The following UGGT1 variants were observed in gnomAD, a reference collection of about 807,000 sequenced individuals.
UGGT1 encodes the protein UDP-glucose:glycoprotein glucosyltransferase 1.
UGGT1 carries 107 observed loss-of-function variants against 203.9 expected under a neutral mutation model. The ratio of observed to expected loss-of-function variants is 0.52; its 90% CI spans 0.45 to 0.62. The LOEUF is 0.62. Ranked by LOEUF, UGGT1 falls within the 20% of genes least tolerant of loss-of-function variation. The pLI is 0.00. For missense variants in UGGT1, 1,673 were observed against 1,867.2 expected, an observed-to-expected ratio of 0.90 and a Z score of 1.92; for synonymous variants, 628 against 653.5, an observed-to-expected ratio of 0.96 and a Z score of 0.59.
In UGGT1 at chr2:128,103,917, G is replaced by T; in HGVS notation, c.195-15G>T. On this transcript the variant is annotated splice_polypyrimidine_tract_variant and intron_variant, in intron 2 of 40. Coordinates refer to ENST00000259253, the MANE Select transcript of UGGT1 (RefSeq NM_020120.4). ...AATTTTATTAAGTTGTTTTATTTCT[G>T]ATCTTTTCTCCCAGTGAGTTTTTAG... is the stretch of plus-strand genomic sequence containing the variant. 6.4e-7 allele frequency: 1 copy of T among 1,569,792 alleles called. No individual in the cohort carries two copies. The highest frequency in any genetic ancestry group is 8.6e-7 in the Non-Finnish European group (1 of 1,162,942).
At chr2:128,150,557 CCA>C (rs1491541061) in intron 18 of UGGT1, among the ~76,000 whole-genome samples, 2 of 129,464 alleles carry the variant, frequency 1.5e-5, no homozygotes, top group Non-Finnish European at 3.6e-5. Flanking sequence ...AAGACAACTA[CCA>C]TGTGTGTGTG....
intron 16 of UGGT1, chr2:128,140,404 T>C (rs1370507196): frequency 2.0e-5 from 3 of 152,550 alleles, no homozygotes; most frequent in African/African-American, 7.2e-5. Flanking sequence ...GATGATGCCA[T>C]CCAACACCAG....
chr2:128,193,449 A>C lies in UGGT1; in HGVS notation c.*3707A>C, dbSNP rs1692373380. 6.6e-6 allele frequency: 1 copy of C among 151,978 alleles called. No homozygotes were observed. Among genetic ancestry groups the C allele is most frequent in the African/African-American group, 2.4e-5 (1 of 41,404 alleles). The allele number at this position is 151,978 out of a possible 1,614,324, so 9.4% of individuals were successfully genotyped here. A position where few individuals can be genotyped will look rare whatever the true frequency, so the allele number is the denominator to read the frequency against. On this transcript the variant is annotated 3_prime_UTR_variant, in exon 41 of 41. Coordinates refer to ENST00000259253, the MANE Select transcript of UGGT1 (RefSeq NM_020120.4). ...GTATTTTTAGTAGAGATGGGGTTTTACCATGTTGGTTGGCCAGGCTGATCT... is the reference window on the plus strand; with the variant it reads ...GTATTTTTAGTAGAGATGGGGTTTTCCCATGTTGGTTGGCCAGGCTGATCT...
At chr2:128,098,582 C>T (rs1290857752) in intron 2 of UGGT1, among the ~76,000 whole-genome samples, 2 of 151,830 alleles carry the variant, frequency 1.3e-5, no homozygotes, top group Non-Finnish European at 2.9e-5. Flanking sequence ...ATGGGGAAAC[C>T]CCGTCTCTCC....
At chr2:128,113,025 A>C (rs928720792) in intron 5 of UGGT1, 59 bp from the exon 6 acceptor site, 75 of 1,384,824 alleles carry the variant, frequency 5.4e-5, no homozygotes, top group Non-Finnish European at 7.2e-5. Context: ...ATATTTTGTG[A>C]CATTTTTAGT....
At chr2:128,091,569 A>C (rs968786349) in intron 1 of UGGT1, 154 bp downstream of exon 1, 28 of 1,442,520 alleles carry the variant, frequency 1.9e-5, no homozygotes, top group Non-Finnish European at 2.2e-5. Context: ...GAGCGCCCCG[A>C]GTTGCCCTCA....
At chr2:128,163,731 T>C (rs1442706090) in intron 25 of UGGT1, among the ~76,000 whole-genome samples, 1 of 151,364 alleles carries the variant, frequency 6.6e-6, no homozygotes, top group Non-Finnish European at 1.5e-5. Context: ...AAAAAATTAA[T>C]TTTAGAAGAG....
At chr2:128,107,891 ATC>A in intron 3 of UGGT1, 45 bp from the exon 4 acceptor site, 1 of 1,610,798 alleles carries the variant, frequency 6.2e-7, no homozygotes, top group East Asian at 2.2e-5. Flanking sequence ...TTCTTTAGAT[ATC>A]TCTAGTCATA....
intron 4 of UGGT1, 100 bp downstream of exon 4, chr2:128,108,168 C>CT: frequency 1.5e-6 from 2 of 1,375,912 alleles, no homozygotes; most frequent in Non-Finnish European, 9.7e-7. Flanking sequence ...GCTATTATCA[C>CT]TTTTTTGCCT....
At chr2:128,117,723 T>A in intron 8 of UGGT1, among the ~76,000 whole-genome samples, 1 of 151,842 alleles carries the variant, frequency 6.6e-6, no homozygotes, top group Non-Finnish European at 1.5e-5. Flanking sequence ...TTTTGTATTT[T>A]TTTTTTTAGT....
intron 32 of UGGT1, 96 bp downstream of exon 32, chr2:128,176,994 C>T: frequency 8.0e-7 from 1 of 1,249,614 alleles, no homozygotes; most frequent in Non-Finnish European, 1.1e-6. Context: ...TTGGAATTTG[C>T]TATGGCAATT....
intron 3 of UGGT1, 51 bp downstream of exon 3, chr2:128,104,065 G>A (rs1291361308): frequency 2.1e-6 from 3 of 1,412,272 alleles, no homozygotes; most frequent in Non-Finnish European, 1.9e-6. Flanking sequence ...GAAAATATTA[G>A]GAAAAAATTG....
chr2:128,175,861 A>C (rs1005702153), intron 31 of UGGT1, among the ~76,000 whole-genome samples: 1 of 152,214 alleles, frequency 6.6e-6, no homozygotes, highest in Non-Finnish European at 1.5e-5. Context: ...CAGCAAATGC[A>C]GTGAATTCAT....
intron 14 of UGGT1, 56 bp downstream of exon 14, chr2:128,133,316 CTT>C: frequency 6.3e-7 from 1 of 1,592,696 alleles, no homozygotes; most frequent in Admixed American, 1.7e-5. Flanking sequence ...CCTAGTCCCT[CTT>C]TTTTTGTCAT....
chr2:128,118,251 G>C (rs1403871911), intron 8 of UGGT1, among the ~76,000 whole-genome samples: 1 of 151,978 alleles, frequency 6.6e-6, no homozygotes, highest in Non-Finnish European at 1.5e-5. Context: ...TTTGACTCAG[G>C]CTTTCAGAAT....
Position 128,123,207 on chromosome 2 carries a change from G to A in UGGT1, c.1095G>A (p.Val365=), listed in dbSNP as rs1688461941. Residue 365 remains valine (V), a synonymous_variant, in exon 11 of 41, where the codon GTG becomes GTA. Coordinates refer to ENST00000259253, the MANE Select transcript of UGGT1 (RefSeq NM_020120.4). ...TTAGAGCAATAACAAAAACAGCTGT[G>A]AGCTCAGAACTTAGAACCGAAGTGG... ...TKARAITKTA[V]SSELRTEVEE... 6.2e-7 allele frequency: 1 copy of A among 1,613,394 alleles called. No homozygotes were observed. The highest frequency in any genetic ancestry group is 8.5e-7 in the Non-Finnish European group (1 of 1,179,706).
intron 11 of UGGT1, among the ~76,000 whole-genome samples, 170 bp downstream of exon 11, chr2:128,123,416 C>T (rs1465033802): frequency 1.3e-5 from 2 of 152,134 alleles, no homozygotes; most frequent in Non-Finnish European, 2.9e-5. Flanking sequence ...GTTCAGTATG[C>T]ACATAACTGA....
At chr2:128,186,567 A>T in intron 38 of UGGT1, 116 bp from the exon 39 acceptor site, 1 of 726,996 alleles carries the variant, frequency 1.4e-6, no homozygotes, top group Non-Finnish European at 2.2e-6. Context: ...AGATCGTACT[A>T]CTGCACTCCA....
chr2:128,096,294 C>A (rs1378486707), intron 1 of UGGT1, among the ~76,000 whole-genome samples: 2 of 152,124 alleles, frequency 1.3e-5, no homozygotes, highest in African/African-American at 4.8e-5. Context: ...ACATTTGGGA[C>A]CCATTATGTT....
Sources: allele counts gnomAD v4.1 joint callset (sites outside exome capture counted in the v4.1 genomes callset), GRCh38; gene constraint gnomAD v4.1.1; transcripts MANE v1.5; gene names NCBI Gene and HGNC (gene_info 2026-07-23, HGNC 2026-07-21).